The following PDE4B variants were observed in gnomAD, a reference collection of about 807,000 sequenced individuals.
The protein encoded by PDE4B is 3',5'-cyclic-AMP phosphodiesterase 4B.
Under a neutral mutation model 82.2 loss-of-function variants are expected in PDE4B, and 20 were observed. The observed-to-expected ratio is 0.24, with a 90% confidence interval of 0.17 to 0.35. The LOEUF (loss-of-function observed/expected upper bound fraction) is 0.35. Ranked by LOEUF, PDE4B falls within the 10% of genes least tolerant of loss-of-function variation. The probability of loss-of-function intolerance (pLI) is 1.00; values close to 1 mark genes in which losing one functional copy is unlikely to be tolerated. For synonymous variants in PDE4B, 320 were observed against 318.9 expected (o/e 1.00, Z -0.04); for missense variants, 655 against 907.2 (o/e 0.72, Z 3.57).
At chr1:66,180,383 G>A (rs921776862) in intron 3 of PDE4B, among the ~76,000 whole-genome samples, 3 of 152,200 alleles carry the variant, frequency 2.0e-5, no homozygotes, top group African/African-American at 7.2e-5. Context: ...GGTTTGTTGT[G>A]ACATGTTAAG....
At chr1:66,260,926 A>G (rs962739107) in intron 6 of PDE4B, among the ~76,000 whole-genome samples, 4 of 152,170 alleles carry the variant, frequency 2.6e-5, no homozygotes, top group African/African-American at 9.7e-5. Flanking sequence ...TGCTTATCAC[A>G]AAAAGCAGGC....
At chr1:66,244,325 T>C (rs1653128933) in intron 3 of PDE4B, among the ~76,000 whole-genome samples, 1 of 152,220 alleles carries the variant, frequency 6.6e-6, no homozygotes, top group South Asian at 2.1e-4. Flanking sequence ...AATATTCTTA[T>C]ATTTCTTTTA....
chr1:66,119,517 T>G (rs1645666844), intron 3 of PDE4B, among the ~76,000 whole-genome samples: 1 of 152,220 alleles, frequency 6.6e-6, no homozygotes, highest in African/African-American at 2.4e-5. Context: ...TCTAGCATTC[T>G]CTATAAACCA....
At chr1:66,229,402 C>T (rs1053072295) in intron 3 of PDE4B, among the ~76,000 whole-genome samples, 1 of 152,166 alleles carries the variant, frequency 6.6e-6, no homozygotes, top group Admixed American at 6.5e-5. Flanking sequence ...ATTGTGTGAG[C>T]CTTTAAGGCA....
At chr1:65,854,091 C>T (rs1367547613) in intron 1 of PDE4B, among the ~76,000 whole-genome samples, 1 of 151,866 alleles carries the variant, frequency 6.6e-6, no homozygotes, top group African/African-American at 2.4e-5. Context: ...TCATGTTTAC[C>T]TTCAAATAAC....
intron 3 of PDE4B, chr1:65,992,907 A>G: frequency 6.2e-7 from 1 of 1,613,416 alleles, no homozygotes; most frequent in Non-Finnish European, 8.5e-7. Context: ...CTTACAAGAC[A>G]TGACAGCAAA....
At chr1:66,340,545 C>T (rs1385416440) in intron 8 of PDE4B, among the ~76,000 whole-genome samples, 1 of 152,102 alleles carries the variant, frequency 6.6e-6, no homozygotes, top group African/African-American at 2.4e-5. Flanking sequence ...TAAAATGTAT[C>T]TTCATGGCTC....
At chr1:66,017,203 G>T (rs952980533) in intron 3 of PDE4B, among the ~76,000 whole-genome samples, 1 of 152,150 alleles carries the variant, frequency 6.6e-6, no homozygotes, top group Non-Finnish European at 1.5e-5. Flanking sequence ...TATTGTATTT[G>T]TGTAACCAGT....
chr1:65,932,449 A>G (rs989128118), intron 3 of PDE4B, among the ~76,000 whole-genome samples: 5 of 152,110 alleles, frequency 3.3e-5, no homozygotes, highest in African/African-American at 1.2e-4. Context: ...GGCCCCGAGA[A>G]TCCATGGCTG....
chr1:66,066,829 C>A (rs1049118689), intron 3 of PDE4B, among the ~76,000 whole-genome samples: 1 of 151,754 alleles, frequency 6.6e-6, no homozygotes, highest in Non-Finnish European at 1.5e-5. Context: ...TTCTAACTAG[C>A]GATGTGATTT....
At position 65,994,036 on chromosome 1, in the gene PDE4B, G is replaced by A. The variant is rs972178645; in HGVS notation, c.281+75201G>A. 3.9e-5 allele frequency among the ~76,000 whole-genome samples: 6 copies of A among 152,182 alleles called. No individual in the cohort carries two copies. In the South Asian group the frequency reaches 6.2e-4, roughly 16 times the overall value. On this transcript the variant is annotated intron_variant, in intron 3 of 16. Coordinates refer to ENST00000341517, the MANE Select transcript of PDE4B (RefSeq NM_002600.4). ...TCAGATTAAGGTACCTTTAAAAATT[G>A]AGTAGCTGTACCTTAGTTTTTTCTA...
At chr1:65,971,051 G>A (rs1489378941) in intron 3 of PDE4B, among the ~76,000 whole-genome samples, 1 of 150,276 alleles carries the variant, frequency 6.7e-6, no homozygotes, top group African/African-American at 2.5e-5. Context: ...AGGCATCTGG[G>A]ATCATTGAAT....
chr1:66,372,388 A>C lies in PDE4B; in HGVS notation c.1921A>C (p.Ile641Leu). 1 of 1,614,134 alleles carries C rather than the reference A, an allele frequency of 6.2e-7. No homozygotes were observed. Among genetic ancestry groups the C allele is most frequent in the Non-Finnish European group, 8.5e-7 (1 of 1,179,986 alleles). ...TTTGGTACAGCCTGATGCTCAGGAC[A>C]TTCTCGATACCTTAGAAGATAACAG... ...ADLVQPDAQD[I>L]LDTLEDNRNW... Residue 641 changes from isoleucine to leucine, a missense_variant, in exon 17 of 17, where the codon ATT becomes CTT. Physicochemically the swap from Ile to Leu is conservative, Grantham distance 5. Coordinates refer to ENST00000341517, the MANE Select transcript of PDE4B (RefSeq NM_002600.4).
chr1:66,042,518 A>G (rs554220560), intron 3 of PDE4B: 2 of 151,826 alleles, frequency 1.3e-5, no homozygotes, highest in African/African-American at 2.4e-5. Flanking sequence ...TGAATGAGGT[A>G]TTTATTTATT....
chr1:65,897,638 C>G (rs773205319), intron 1 of PDE4B, among the ~76,000 whole-genome samples: 2 of 152,004 alleles, frequency 1.3e-5, no homozygotes, highest in Non-Finnish European at 2.9e-5. Context: ...TCCAGCTGCA[C>G]CCAAGTTGTT....
chr1:65,869,025 G>A (rs1032011465), intron 1 of PDE4B, among the ~76,000 whole-genome samples: 7 of 152,150 alleles, frequency 4.6e-5, no homozygotes, highest in African/African-American at 1.7e-4. Context: ...GATAATCTGG[G>A]TCAGTGACAG....
intron 3 of PDE4B, among the ~76,000 whole-genome samples, chr1:66,007,167 A>G (rs990208197): frequency 5.9e-5 from 9 of 152,036 alleles, no homozygotes; most frequent in Admixed American, 5.9e-4. Context: ...ATACAGGGCC[A>G]GGCATGGTGG....
chr1:65,872,730 G>GTAC (rs1646587988), intron 1 of PDE4B, among the ~76,000 whole-genome samples: 1 of 152,258 alleles, frequency 6.6e-6, no homozygotes, highest in South Asian at 2.1e-4. Context: ...GCAAACTACT[G>GTAC]TACACTAAGC....
rs748975079 is a variant in PDE4B, at chr1:66,363,193, G to C, written c.1046G>C (p.Gly349Ala). ...AKELEDLNKW[G>A]LNIFNVAGYS... ...GAGCTGGAAGACCTGAACAAATGGGGTCTTAACATCTTTAATGTGGCTGGA... is the reference window on the plus strand; with the variant it reads ...GAGCTGGAAGACCTGAACAAATGGGCTCTTAACATCTTTAATGTGGCTGGA... The change falls in exon 11 of 17, where the codon GGT becomes GCT. Residue 349 changes from glycine (G) to alanine (A), a missense_variant. Transcript: ENST00000341517. 1.2e-6 allele frequency: 2 copies of C among 1,612,050 alleles called. No individual in the cohort carries two copies. The highest frequency in any genetic ancestry group is 1.1e-5 in the South Asian group (1 of 90,982).
Sources: gnomAD v4.1 joint callset for allele counts (sites outside exome capture counted in the v4.1 genomes callset) on GRCh38, gnomAD v4.1.1 for gene constraint, MANE v1.5 for transcripts, NCBI Gene and HGNC (gene_info 2026-07-23, HGNC 2026-07-21) for gene names.